Variants in CTAGE1 observed in about 807,000 individuals in gnomAD.
CTAGE1 encodes cutaneous T cell lymphoma-associated antigen 1, also known as cTAGE family member 2.
For synonymous variants in CTAGE1, 332 were observed against 302.8 expected (o/e 1.10, Z -1.00); for missense variants, 963 against 855.9 (o/e 1.13, Z -1.56).
Position 22,414,589 on chromosome 18 carries a change from G to A in CTAGE1, c.*985C>T, listed in dbSNP as rs759850543. ...TCTTTTAACAGAATTCCAGAGAAGA[G>A]AGCTCAATCAGAGATCAAATTCACC... On this transcript the variant is annotated 3_prime_UTR_variant, in exon 1 of 1. Transcript: ENST00000391403. 52 of 673,976 alleles carry A rather than the reference G, an allele frequency of 7.7e-5. No homozygotes were observed. The highest frequency in any genetic ancestry group is 9.9e-5 in the Non-Finnish European group (37 of 373,584). The allele number at this position is 673,976 out of a possible 1,614,324, so 41.7% of individuals were successfully genotyped here.
In CTAGE1 at chr18:22,414,533, G is replaced by C. The variant is rs569769157; in HGVS notation, c.*1041C>G. On this transcript the variant is annotated 3_prime_UTR_variant, in exon 1 of 1. Transcript: ENST00000391403. Reference sequence around the variant, plus strand: ...CATGAAGGACTAATCCAAAATTTGAGGGCGTCTCTCAGGGAACACGATACA... The same window carrying C: ...CATGAAGGACTAATCCAAAATTTGACGGCGTCTCTCAGGGAACACGATACA... 1.6e-4 allele frequency: 93 copies of C among 595,114 alleles called. 1 individual carries two copies. In the South Asian group the frequency reaches 1.9e-3, roughly 12 times the overall value. 36.9% of individuals were successfully genotyped at this position (595,114 alleles called of 1,614,324 possible). A position where few individuals can be genotyped will look rare whatever the true frequency, so the allele number is the denominator to read the frequency against.
chr18:22,414,358 T>C lies in CTAGE1; in HGVS notation c.*1216A>G, dbSNP rs1194711374. ...CAGTGTACAATAAGGGCACCTCATG[T>C]CTCAAATAGTTACTTTTCTTTTATT... On this transcript the variant is annotated 3_prime_UTR_variant, in exon 1 of 1. Transcript: ENST00000391403. The C allele has an allele frequency of 3.2e-6, 1 of 310,100 alleles. No homozygotes were observed. Among genetic ancestry groups the C allele is most frequent in the African/African-American group, 2.2e-5 (1 of 46,348 alleles). The allele number at this position is 310,100 out of a possible 1,614,324, so 19.2% of individuals were successfully genotyped here.
Position 22,415,689 on chromosome 18 carries a change from T to C in CTAGE1, c.2123A>G (p.Asp708Gly), listed in dbSNP as rs2035001408. 1.9e-6 allele frequency: 3 copies of C among 1,613,806 alleles called. No individual in the cohort carries two copies. The highest frequency in any genetic ancestry group is 4.5e-5 in the East Asian group (2 of 44,866). Residue 708 changes from aspartate (D) to glycine (G), a missense_variant, in exon 1 of 1, where the codon GAT (aspartate) becomes GGT (glycine). Transcript: ENST00000391403. ...TGGAGCACGTGGTGGACCTGGGACA[T>C]CCCTTGGAGAAAAATAATCTGGAGA... The part of the protein sequence containing the change: ...GASPDYFSPR[D>G]VPGPPRAPFA...
rs980205687 is a variant in CTAGE1 at position 22,415,698 on chromosome 18, GA to G, written c.2113del (p.Ser705LeufsTer15). 9 of 1,614,024 alleles carry G rather than the reference GA, an allele frequency of 5.6e-6. No individual in the cohort carries two copies. Among genetic ancestry groups the G allele is most frequent in the Non-Finnish European group, 7.6e-6 (9 of 1,180,042 alleles). ...TVFGASPDYF[S>X]PRDVPGPPRA... ...TGGTGGACCTGGGACATCCCTTGGA[GA>G]AAAATAATCTGGAGAAGCTCCAAAC... On this transcript the variant is annotated frameshift_variant, in exon 1 of 1. Transcript: ENST00000391403. LOFTEE classifies it low-confidence loss of function (END_TRUNC).
At position 22,417,611 on chromosome 18, in the gene CTAGE1, G is replaced by C. The variant is rs906788779; in HGVS notation, c.201C>G (p.Ser67Arg). Residue 67 changes from serine (S) to arginine (R), a missense_variant, in exon 1 of 1, where the codon AGC becomes AGG. By Grantham distance (110) the Ser-to-Arg change is moderately radical (BLOSUM62 -1). Coordinates refer to ENST00000391403, the MANE Select transcript of CTAGE1 (RefSeq NM_172241.3). The part of the protein sequence containing the change: ...EEKCKLLEKF[S>R]LVQKEYEGYE... The stretch of plus-strand genomic sequence containing the variant: ...AGCCTTCATACTCTTTTTGAACAAG[G>C]CTAAATTTTTCAAGTAGTTTACATT... The C allele has an allele frequency of 9.3e-6, 15 of 1,613,910 alleles. No individual in the cohort carries two copies. The highest frequency in any genetic ancestry group is 1.3e-5 in the Non-Finnish European group (15 of 1,179,864).
At position 22,417,043 on chromosome 18, in the gene CTAGE1, C is replaced by G. The variant is rs758196293; in HGVS notation, c.769G>C (p.Asp257His). The change falls in exon 1 of 1, where the codon GAT (aspartate) becomes CAT (histidine). Residue 257 changes from aspartate (D) to histidine (H), a missense_variant. By Grantham distance (81) the Asp-to-His change is moderately conservative (BLOSUM62 -1). Coordinates refer to ENST00000391403, the MANE Select transcript of CTAGE1 (RefSeq NM_172241.3). ...ATTTCTAATTCCAAGTTATCATCAT[C>G]CGTTACATCTTCTTCAAGCATAGCA... The part of the protein sequence containing the change: ...GVAMLEEDVT[D>H]DDNLELEMNS... 6.2e-7 allele frequency: 1 copy of G among 1,613,842 alleles called. No homozygotes were observed.
rs545952741 is a variant in CTAGE1, at chr18:22,415,379, A to T, written c.*195T>A. 4.0e-4 allele frequency: 217 copies of T among 537,698 alleles called. 1 individual carries two copies. Among genetic ancestry groups the T allele is most frequent in the African/African-American group, 3.8e-3 (200 of 52,476 alleles). The allele number at this position is 537,698 out of a possible 1,614,324, so 33.3% of individuals were successfully genotyped here. ...TACAAAATACTATCCTGGGAATTATAGTTCCATTAAGTTTCAATCTGAACA... is the reference window on the plus strand; with the variant it reads ...TACAAAATACTATCCTGGGAATTATTGTTCCATTAAGTTTCAATCTGAACA... On this transcript the variant is annotated 3_prime_UTR_variant, in exon 1 of 1. Coordinates refer to ENST00000391403, the MANE Select transcript of CTAGE1 (RefSeq NM_172241.3).
chr18:22,416,558 A>T lies in CTAGE1; in HGVS notation c.1254T>A (p.Tyr418Ter). ...TCTCATGGAGAATAATCTTCTTTTG[A>T]TAAAAATGAATAGTTTTCTCAAATT... Reference protein sequence around the residue: ...LKEFEKTIHFYQKKIILHEKK... With the variant: ...LKEFEKTIHF Residue 418 changes from tyrosine to a stop codon, truncating the protein, a stop_gained, in exon 1 of 1, where the codon TAT becomes TAA. Transcript: ENST00000391403. LOFTEE classifies it low-confidence loss of function (END_TRUNC). The T allele has an allele frequency of 6.2e-7, 1 of 1,610,592 alleles. No individual in the cohort carries two copies. The highest frequency in any genetic ancestry group is 8.5e-7 in the Non-Finnish European group (1 of 1,179,340).
rs2035007910 is a variant in CTAGE1, at chr18:22,415,975, T to C, written c.1837A>G (p.Asn613Asp). ...LSGPAELRSF[N>D]MPSLDKMDGS... ...TCCATTTTATCCAAAGAAGGCATAT[T>C]AAAACTTCTGAGTTCTGCTGGTCCA... The change falls in exon 1 of 1, where the codon AAT becomes GAT. Residue 613 changes from asparagine to aspartate, a missense_variant. Coordinates refer to ENST00000391403, the MANE Select transcript of CTAGE1 (RefSeq NM_172241.3). 5 of 1,613,940 alleles carry C rather than the reference T, an allele frequency of 3.1e-6. No homozygotes were observed. The highest frequency in any genetic ancestry group is 3.4e-6 in the Non-Finnish European group (4 of 1,179,860).
Position 22,416,350 on chromosome 18 carries a change from A to G in CTAGE1, c.1462T>C (p.Tyr488His), listed in dbSNP as rs765279218. Residue 488 changes from tyrosine to histidine, a missense_variant, in exon 1 of 1, where the codon TAT becomes CAT. Physicochemically the swap from Tyr to His is moderately conservative, Grantham distance 83. Coordinates refer to ENST00000391403, the MANE Select transcript of CTAGE1 (RefSeq NM_172241.3). ...GGCCAACCCAATGGTGAGGGACCATATGGGGAATGCTGTCTGCCAAATGCT... is the reference window on the plus strand; with the variant it reads ...GGCCAACCCAATGGTGAGGGACCATGTGGGGAATGCTGTCTGCCAAATGCT... ...NTAFGRQHSP[Y>H]GPSPLGWPSS... 6.2e-6 allele frequency: 10 copies of G among 1,613,908 alleles called. No individual in the cohort carries two copies. In the African/African-American group the frequency reaches 9.3e-5, roughly 15 times the overall value.
chr18:22,417,188 T>C lies in CTAGE1; in HGVS notation c.624A>G (p.Glu208=), dbSNP rs1269199548. ...CAAATGTTCTTTTCTGTTTAATAAG[T>C]TCACTCACTTGTTCTTTCCATACTT... ...EAEVWKEQVS[E]LIKQKRTFED... Residue 208 remains glutamate (E), a synonymous_variant, in exon 1 of 1, where the codon GAA becomes GAG. Transcript: ENST00000391403. The C allele has an allele frequency of 1.2e-6, 2 of 1,613,860 alleles. No homozygotes were observed. The highest frequency in any genetic ancestry group is 1.7e-6 in the Non-Finnish European group (2 of 1,179,866).
Position 22,414,879 on chromosome 18 carries a change from C to A in CTAGE1, c.*695G>T, listed in dbSNP as rs150287394. The A allele has an allele frequency of 7.3e-6, 5 of 684,570 alleles. No homozygotes were observed. Among genetic ancestry groups the A allele is most frequent in the Non-Finnish European group, 7.9e-6 (3 of 378,344 alleles). 42.4% of individuals were successfully genotyped at this position (684,570 alleles called of 1,614,324 possible). ...TAGGAAGAAATTAGCTTAGGGAAGA[C>A]GAAGGGAAGGAAAGGGAGGGCGAAG... On this transcript the variant is annotated 3_prime_UTR_variant, in exon 1 of 1. Coordinates refer to ENST00000391403, the MANE Select transcript of CTAGE1 (RefSeq NM_172241.3).
rs910652846 is a variant in CTAGE1, at chr18:22,414,630, C to G, written c.*944G>C. On this transcript the variant is annotated 3_prime_UTR_variant, in exon 1 of 1. Transcript: ENST00000391403. ...CAAATTCACCAACTGCAATTAAGCA[C>G]TATCTTAGATTTACTCCTTCCCCTT... 1.2e-5 allele frequency: 8 copies of G among 694,756 alleles called. No individual in the cohort carries two copies. Among genetic ancestry groups the G allele is most frequent in the African/African-American group, 1.1e-4 (6 of 56,704 alleles). The allele number at this position is 694,756 out of a possible 1,614,324, so 43.0% of individuals were successfully genotyped here. A position where few individuals can be genotyped will look rare whatever the true frequency, so the allele number is the denominator to read the frequency against.
At position 22,413,690 on chromosome 18, in the gene CTAGE1, G is replaced by A. The variant is rs932148522; in HGVS notation, c.*1884C>T. 6.6e-6 allele frequency: 1 copy of A among 152,126 alleles called. No individual in the cohort carries two copies. The highest frequency in any genetic ancestry group is 2.4e-5 in the African/African-American group (1 of 41,420). The allele number at this position is 152,126 out of a possible 1,614,324, so 9.4% of individuals were successfully genotyped here. ...AAAAATTAGTAGTCATTCAACAAAAGCAAATATTATTTTTCTTAGTTACAA... is the reference window on the plus strand; with the variant it reads ...AAAAATTAGTAGTCATTCAACAAAAACAAATATTATTTTTCTTAGTTACAA... On this transcript the variant is annotated 3_prime_UTR_variant, in exon 1 of 1. Coordinates refer to ENST00000391403, the MANE Select transcript of CTAGE1 (RefSeq NM_172241.3).
rs1003884620 is a variant in CTAGE1, at chr18:22,417,896, C to G, written c.-85G>C. On this transcript the variant is annotated 5_prime_UTR_variant, in exon 1 of 1. Coordinates refer to ENST00000391403, the MANE Select transcript of CTAGE1 (RefSeq NM_172241.3). ...GCTGAGGGTTAGCCCTAGGCTCCTC[C>G]GTAGCGCCAAGGCTGCTCTGGCGGT... The G allele has an allele frequency of 8.1e-6, 11 of 1,358,660 alleles. No homozygotes were observed. The African/African-American group carries it at 1.0e-4, about 12-fold the overall frequency. 84.2% of individuals were successfully genotyped at this position (1,358,660 alleles called of 1,614,324 possible).
Position 22,417,216 on chromosome 18 carries a change from G to A in CTAGE1, c.596C>T (p.Ala199Val), listed in dbSNP as rs761235536. 1 of 1,613,864 alleles carries A rather than the reference G, an allele frequency of 6.2e-7. No homozygotes were observed. The highest frequency in any genetic ancestry group is 2.2e-5 in the East Asian group (1 of 44,870). The change falls in exon 1 of 1, where the codon GCT (alanine) becomes GTT (valine). Residue 199 changes from alanine to valine, a missense_variant. Physicochemically the swap from Ala to Val is moderately conservative, Grantham distance 64. Coordinates refer to ENST00000391403, the MANE Select transcript of CTAGE1 (RefSeq NM_172241.3). ...ACTCACTTGTTCTTTCCATACTTCA[G>A]CTTCTTGCAAAAGCTGTTTCTGGCT... ...QESQKQLLQE[A>V]EVWKEQVSEL...
rs267605127 is a variant in CTAGE1 at position 22,416,401 on chromosome 18, G to A, written c.1411C>T (p.Pro471Ser). The change falls in exon 1 of 1, where the codon CCT becomes TCT. Residue 471 changes from proline (P) to serine (S), a missense_variant. Physicochemically the swap from Pro to Ser is moderately conservative, Grantham distance 74. Coordinates refer to ENST00000391403, the MANE Select transcript of CTAGE1 (RefSeq NM_172241.3). ...GTATTTGGAACATCAAGTCCATAAG[G>A]ATCTTTTTCTAAAAGTTTTATTTTA... ...EFKIKLLEKD[P>S]YGLDVPNTAF... 6 of 1,613,640 alleles carry A rather than the reference G, an allele frequency of 3.7e-6. No homozygotes were observed. Among genetic ancestry groups the A allele is most frequent in the South Asian group, 2.2e-5 (2 of 90,962 alleles).
chr18:22,416,242 C>T lies in CTAGE1; in HGVS notation c.1570G>A (p.Gly524Arg), dbSNP rs376038901. ...LRLSPLLPRG[G>R]GRGSRGPGNP... is the part of the protein sequence containing the mutation. ...CCTGGGCCTCTGGAGCCTCTTCCTC[C>T]TCCCCGTGGAAGCAAAGGTGAGAGT... Residue 524 changes from glycine (G) to arginine (R), a missense_variant, in exon 1 of 1, where the codon GGA becomes AGA. Transcript: ENST00000391403. 19 of 1,613,790 alleles carry T rather than the reference C, an allele frequency of 1.2e-5. No homozygotes were observed. The highest frequency in any genetic ancestry group is 1.3e-5 in the African/African-American group (1 of 74,896).
In CTAGE1 at chr18:22,415,871, T is replaced by A; in HGVS notation, c.1941A>T (p.Ser647=). The change falls in exon 1 of 1, where the codon TCA becomes TCT. Residue 647 remains serine, a synonymous_variant. Coordinates refer to ENST00000391403, the MANE Select transcript of CTAGE1 (RefSeq NM_172241.3). ...TTGCTTCATTTTCAGCGGGGAGAGA[T>A]GAATCAGGCACCTTTAAATTACCAA... The part of the protein sequence containing the change: ...DNLGNLKVPD[S]SLPAENEATG... The A allele has an allele frequency of 1.2e-6, 2 of 1,613,956 alleles. No individual in the cohort carries two copies. Among genetic ancestry groups the A allele is most frequent in the Non-Finnish European group, 1.7e-6 (2 of 1,179,866 alleles).
Sources: allele counts gnomAD v4.1 joint callset, GRCh38; gene constraint gnomAD v4.1.1; transcripts MANE v1.5; gene names NCBI Gene and HGNC (gene_info 2026-07-23, HGNC 2026-07-21).